The following TNXB variants were observed in gnomAD, a reference collection of about 807,000 sequenced individuals.
TNXB encodes the protein tenascin XB.
A neutral mutation model predicts 340.5 loss-of-function variants in TNXB; 183 were observed. The observed-to-expected ratio is 0.54, with a 90% confidence interval of 0.48 to 0.61. TNXB has a LOEUF of 0.61. TNXB is among the 20% of genes least tolerant of loss of function. The pLI, the probability that TNXB is intolerant of heterozygous loss-of-function variation, is 0.00. For synonymous variants in TNXB, 2,121 were observed against 2,314.5 expected, an observed-to-expected ratio of 0.92 and a Z score of 2.40; for missense variants, 4,613 against 5,446.4, an observed-to-expected ratio of 0.85 and a Z score of 4.82.
At position 32,081,648 on chromosome 6, in the gene TNXB, G is replaced by T. The variant is rs764363912; in HGVS notation, c.3762C>A (p.Pro1254=). 7 of 1,591,036 alleles carry T rather than the reference G, an allele frequency of 4.4e-6. No individual in the cohort carries two copies. Among genetic ancestry groups the T allele is most frequent in the Admixed American group, 3.5e-5 (2 of 57,470 alleles). The change falls in exon 10 of 44, where the codon CCC becomes CCA. Residue 1254 remains proline, a synonymous_variant. Transcript: ENST00000644971. This position sits in a 1 kb window ranked among gnomAD's most constrained non-coding sequence, Gnocchi z 5.1. ...TTAPERKEEP[P]RPEFLEQPLL... ...GGGGCTGCTCCAGGAACTCAGGGCG[G>T]GGGGGCTCCTCTTTCCTCTCTGGAG...
Position 32,041,886 on chromosome 6 carries a change from C to T in TNXB, c.12518G>A (p.Arg4173Gln), listed in dbSNP as rs1340694992. Residue 4173 changes from arginine (R) to glutamine (Q), a missense_variant, in exon 43 of 44, where the codon CGG becomes CAG. This residue lies in a region of TNXB where 121 missense variants were observed against 177.4 expected (regional missense o/e 0.68). Coordinates refer to ENST00000644971, the MANE Select transcript of TNXB (RefSeq NM_001365276.2). ...GGAGATGAGCAAGCTGTTGGGGTCC[C>T]GATCACGGGCAGAGAAGACACTGCC... ...HSGSVFSARDRDPNSLLISCA... is the reference protein window; with the variant it reads ...HSGSVFSARDQDPNSLLISCA... 1.1e-4 allele frequency: 79 copies of T among 690,676 alleles called. 1 individual carries two copies. The highest frequency in any genetic ancestry group is 1.8e-4 in the Non-Finnish European group (71 of 401,440). 42.8% of individuals were successfully genotyped at this position (690,676 alleles called of 1,614,324 possible).
rs1778097062 is a variant in TNXB at position 32,062,552 on chromosome 6, C to A, written c.6842-69G>T. ...CTTTTAACCAAGGGACTCTGGGATT[C>A]TCTTAGACACACCAAGGGCCCACAG... On this transcript the variant is annotated intron_variant, in intron 19 of 43. Transcript: ENST00000644971. This position sits in a 1 kb window ranked among gnomAD's most constrained non-coding sequence, Gnocchi z 4.3. The A allele has an allele frequency of 7.1e-7, 1 of 1,416,912 alleles. No individual in the cohort carries two copies. Among genetic ancestry groups the A allele is most frequent in the East Asian group, 2.5e-5 (1 of 40,356 alleles). The allele number at this position is 1,416,912 out of a possible 1,614,324, so 87.8% of individuals were successfully genotyped here.
In TNXB at chr6:32,049,527, G is replaced by C. The variant is rs759839720; in HGVS notation, c.9500C>G (p.Pro3167Arg). Residue 3167 changes from proline (P) to arginine (R), a missense_variant, in exon 28 of 44, where the codon CCG becomes CGG. Around this residue, in one of 7 missense-constraint regions of TNXB, gnomAD observed 4,327 missense variants for 4,859.4 expected, o/e 0.89. Coordinates refer to ENST00000644971, the MANE Select transcript of TNXB (RefSeq NM_001365276.2). This position sits in a 1 kb window ranked among gnomAD's most constrained non-coding sequence, Gnocchi z 4.5. ...TGTCACTGTCAACTCCCCCAGGAGC[G>C]GCTCCTCAGGGGCCTCCGGGGCCTC... is the stretch of plus-strand genomic sequence containing the variant. Reference protein sequence around the residue: ...STEAPEAPEEPLLGELTVTGS... With the variant: ...STEAPEAPEERLLGELTVTGS... 4 of 1,612,544 alleles carry C rather than the reference G, an allele frequency of 2.5e-6. No individual in the cohort carries two copies. The highest frequency in any genetic ancestry group is 1.7e-5 in the Admixed American group (1 of 60,022).
Position 32,053,655 on chromosome 6 carries a change from G to A in TNXB, c.8524C>T (p.Pro2842Ser). Residue 2842 changes from proline (P) to serine (S), a missense_variant, in exon 25 of 44, where the codon CCC (proline) becomes TCC (serine). Around this residue, in one of 7 missense-constraint regions of TNXB, gnomAD observed 4,327 missense variants for 4,859.4 expected, o/e 0.89. Transcript: ENST00000644971. ...QAVPTTTPEP[P>S]NKPRLGELTV... ...AGCTCCCCGAGGCGAGGCTTGTTGG[G>A]GGGCTCAGGGGTTGTGGTGGGCACT... 6.2e-7 allele frequency: 1 copy of A among 1,613,378 alleles called. No individual in the cohort carries two copies. Among genetic ancestry groups the A allele is most frequent in the South Asian group, 1.1e-5 (1 of 91,076 alleles).
chr6:32,071,279 T>C (rs1404232932), intron 13 of TNXB, among the ~76,000 whole-genome samples: 4 of 152,050 alleles, frequency 2.6e-5, no homozygotes, highest in Non-Finnish European at 5.9e-5. Flanking sequence ...AGGAGGCACA[T>C]ATGGGCCCAG....
Position 32,068,713 on chromosome 6 carries a change from C to T in TNXB, c.5903-6G>A, listed in dbSNP as rs760823192. ...AGGCTTCTCCTCCTCCGGGACTGGACAGAGACATGGAAAGAGAGGACTGAG... is the reference window on the plus strand; with the variant it reads ...AGGCTTCTCCTCCTCCGGGACTGGATAGAGACATGGAAAGAGAGGACTGAG... On this transcript the variant is annotated splice_polypyrimidine_tract_variant and splice_region_variant and intron_variant, in intron 16 of 43. Transcript: ENST00000644971. This position sits in a 1 kb window ranked among gnomAD's most constrained non-coding sequence, Gnocchi z 5.3. The T allele has an allele frequency of 3.7e-6, 6 of 1,611,542 alleles. No homozygotes were observed. Among genetic ancestry groups the T allele is most frequent in the East Asian group, 2.2e-5 (1 of 44,828 alleles).
rs770613234 is a variant in TNXB, at chr6:32,098,195, T to A, written c.4A>T (p.Met2Leu). The change falls in exon 2 of 44, where the codon ATG becomes TTG. Residue 2 changes from methionine to leucine, a missense_variant. Physicochemically the swap from Met to Leu is conservative, Grantham distance 15. Transcript: ENST00000644971. M[M>L]PAQYALTSSL... Reference sequence around the variant, plus strand: ...GAGGTTAGAGCATACTGGGCTGGCATCATTCAGGAGGCTGCAGGGAGAAAG... The same window carrying A: ...GAGGTTAGAGCATACTGGGCTGGCAACATTCAGGAGGCTGCAGGGAGAAAG... The A allele has an allele frequency of 6.6e-7, 1 of 1,511,340 alleles. No homozygotes were observed. Among genetic ancestry groups the A allele is most frequent in the South Asian group, 1.3e-5 (1 of 75,276 alleles). The allele number at this position is 1,511,340 out of a possible 1,614,324, so 93.6% of individuals were successfully genotyped here.
chr6:32,071,859 A>G, intron 13 of TNXB, 131 bp downstream of exon 13: 1 of 781,270 alleles, frequency 1.3e-6, no homozygotes, highest in South Asian at 2.2e-5. Context: ...GGCATGAGTC[A>G]CTGTGCTAGC....
At chr6:32,041,607 G>A in intron 43 of TNXB, 157 bp from the exon 44 acceptor site, 3 of 1,056,180 alleles carry the variant, frequency 2.8e-6, no homozygotes, top group Non-Finnish European at 4.3e-6. Flanking sequence ...TTCTGAGCTG[G>A]CCCTTTCCAG....
intron 1 of TNXB, among the ~76,000 whole-genome samples, chr6:32,098,567 G>A (rs1440389583): frequency 2.6e-5 from 4 of 152,052 alleles, no homozygotes; most frequent in Non-Finnish European, 4.4e-5. Context: ...CACAACCTCC[G>A]CCTCCCAGGT....
At position 32,062,421 on chromosome 6, in the gene TNXB, T is replaced by G; in HGVS notation, c.6904A>C (p.Ile2302Leu). 6.2e-7 allele frequency: 1 copy of G among 1,612,784 alleles called. No homozygotes were observed. Among genetic ancestry groups the G allele is most frequent in the South Asian group, 1.1e-5 (1 of 91,056 alleles). Residue 2302 changes from isoleucine (I) to leucine (L), a missense_variant, in exon 20 of 44, where the codon ATC becomes CTC. By Grantham distance (5) the Ile-to-Leu change is conservative. This residue lies in a region of TNXB where 4,327 missense variants were observed against 4,859.4 expected (regional missense o/e 0.89). Transcript: ENST00000644971. This position sits in a 1 kb window ranked among gnomAD's most constrained non-coding sequence, Gnocchi z 4.3. ...GTCAGCTCCTCCAGGCGAGGCTTGATGGGGGGTTCAGGGGTGGGAGGTTCT... is the reference window on the plus strand; with the variant it reads ...GTCAGCTCCTCCAGGCGAGGCTTGAGGGGGGGTTCAGGGGTGGGAGGTTCT... Reference protein sequence around the residue: ...STEPPTPEPPIKPRLEELTVT... With the variant: ...STEPPTPEPPLKPRLEELTVT...
Position 32,058,520 on chromosome 6 carries a change from T to C in TNXB, c.7493-130A>G. The C allele has an allele frequency of 1.3e-6, 1 of 781,772 alleles. No individual in the cohort carries two copies. 48.4% of individuals were successfully genotyped at this position (781,772 alleles called of 1,614,324 possible). ...GGCTGAGGGCTGGGGCAGCTTTGTG[T>C]TCGCCGTTCAGTGACTCTTGGAATA... is the stretch of plus-strand genomic sequence containing the variant. On this transcript the variant is annotated intron_variant, in intron 21 of 43. Transcript: ENST00000644971. The surrounding 1 kb of genome is among the most constrained non-coding windows in gnomAD (Gnocchi z 5.1).
At position 32,068,932 on chromosome 6, in the gene TNXB, C is replaced by A; in HGVS notation, c.5792G>T (p.Arg1931Leu). 1 of 1,612,834 alleles carries A rather than the reference C, an allele frequency of 6.2e-7. No homozygotes were observed. Among genetic ancestry groups the A allele is most frequent in the Non-Finnish European group, 8.5e-7 (1 of 1,179,860 alleles). The change falls in exon 16 of 44, where the codon CGG becomes CTG. Residue 1931 changes from arginine (R) to leucine (L), a missense_variant. Coordinates refer to ENST00000644971, the MANE Select transcript of TNXB (RefSeq NM_001365276.2). This position sits in a 1 kb window ranked among gnomAD's most constrained non-coding sequence, Gnocchi z 5.3. Reference protein sequence around the residue: ...QLQMVRIGGDRNDITLSGLES... With the variant: ...QLQMVRIGGDLNDITLSGLES... ...CAGGCCAGAGAGGGTGATGTCATTC[C>A]GGTCACCTCCTATGCGGACCATTTG...
chr6:32,059,021 G>A (rs1777852859), intron 21 of TNXB, among the ~76,000 whole-genome samples: 1 of 151,796 alleles, frequency 6.6e-6, no homozygotes, highest in African/African-American at 2.4e-5. Context: ...TATTAATGCC[G>A]GCAGCTGGGG....
At position 32,097,741 on chromosome 6, in the gene TNXB, T is replaced by A. The variant is rs545746756; in HGVS notation, c.403+55A>T. 1,369 of 1,480,498 alleles carry A rather than the reference T, an allele frequency of 9.2e-4. No homozygotes were observed. Among genetic ancestry groups the A allele is most frequent in the Admixed American group, 1.6e-3 (68 of 42,728 alleles). The allele number at this position is 1,480,498 out of a possible 1,614,324, so 91.7% of individuals were successfully genotyped here. On this transcript the variant is annotated intron_variant, in intron 2 of 43. Transcript: ENST00000644971. This position sits in a 1 kb window ranked among gnomAD's most constrained non-coding sequence, Gnocchi z 5.9. ...ATTCATACCAAGGACCTTTATGGAC[T>A]AGCAATGCCCACCCCACCCCACCTC...
chr6:32,071,706 C>A (rs1778784424), intron 13 of TNXB, among the ~76,000 whole-genome samples: 1 of 151,974 alleles, frequency 6.6e-6, no homozygotes, highest in Non-Finnish European at 1.5e-5. Context: ...GTGCCTCAGA[C>A]TCCCGAGTAG....
rs1464332746 is a variant in TNXB, at chr6:32,061,491, C to G, written c.7398G>C (p.Val2466=). The part of the protein sequence containing the change: ...RVGGEESEVT[V]GGLEPGRKYK... ...ATTTGCGCCCAGGCTCCAGGCCCCC[C>G]ACGGTGACCTCGCTCTCCTCGCCCC... The change falls in exon 21 of 44, where the codon GTG becomes GTC. Residue 2466 remains valine, a synonymous_variant. Transcript: ENST00000644971. The surrounding 1 kb of genome is among the most constrained non-coding windows in gnomAD (Gnocchi z 4.4). The G allele has an allele frequency of 5.6e-6, 9 of 1,613,612 alleles. No homozygotes were observed. The highest frequency in any genetic ancestry group is 6.8e-6 in the Non-Finnish European group (8 of 1,179,856).
chr6:32,096,403 A>G lies in TNXB; in HGVS notation c.1450T>C (p.Trp484Arg). Residue 484 changes from tryptophan to arginine, a missense_variant, in exon 3 of 44, where the codon TGG becomes CGG. Trp to Arg is a moderately radical substitution (Grantham distance 101, BLOSUM62 -3). Around this residue, in one of 7 missense-constraint regions of TNXB, gnomAD observed 4,327 missense variants for 4,859.4 expected, o/e 0.89. Transcript: ENST00000644971. ...CAGTCCCGGCCTGTGTACCCCGGCCAACACATGCAGCGGCCACTCTCACAG... is the reference window on the plus strand; with the variant it reads ...CAGTCCCGGCCTGTGTACCCCGGCCGACACATGCAGCGGCCACTCTCACAG... ...GRCESGRCMC[W>R]PGYTGRDCGT... The G allele has an allele frequency of 6.3e-7, 1 of 1,579,674 alleles. No individual in the cohort carries two copies. The highest frequency in any genetic ancestry group is 8.5e-7 in the Non-Finnish European group (1 of 1,170,902).
Position 32,073,845 on chromosome 6 carries a change from T to A in TNXB, c.4483A>T (p.Thr1495Ser). Reference sequence around the variant, plus strand: ...GAGTCAAACTGGCCCTCGGGGACTGTCCAGGAGAGGCCCACAGAGTTGGGG... The same window carrying A: ...GAGTCAAACTGGCCCTCGGGGACTGACCAGGAGAGGCCCACAGAGTTGGGG... The part of the protein sequence containing the change: ...VTPNSVGLSW[T>S]VPEGQFDSFI... Residue 1495 changes from threonine (T) to serine (S), a missense_variant, in exon 12 of 44, where the codon ACA (threonine) becomes TCA (serine). By Grantham distance (58) the Thr-to-Ser change is moderately conservative. Around this residue, in one of 7 missense-constraint regions of TNXB, gnomAD observed 4,327 missense variants for 4,859.4 expected, o/e 0.89. Coordinates refer to ENST00000644971, the MANE Select transcript of TNXB (RefSeq NM_001365276.2). The surrounding 1 kb of genome is among the most constrained non-coding windows in gnomAD (Gnocchi z 4.6). 6.2e-7 allele frequency: 1 copy of A among 1,611,866 alleles called. No homozygotes were observed. Among genetic ancestry groups the A allele is most frequent in the Non-Finnish European group, 8.5e-7 (1 of 1,179,170 alleles).
Sources: gnomAD v4.1 joint callset for allele counts (sites outside exome capture counted in the v4.1 genomes callset) on GRCh38, gnomAD v4.1.1 for gene constraint, gnomAD v4.1.1 regional missense constraint, Gnocchi (gnomAD v3.1) non-coding constraint, MANE v1.5 for transcripts, NCBI Gene and HGNC (gene_info 2026-07-23, HGNC 2026-07-21) for gene names.